Variants in CNTLN observed in about 807,000 individuals in gnomAD.
CNTLN encodes centlein.
A neutral mutation model predicts 180.0 loss-of-function variants in CNTLN; 212 were observed. The ratio of observed to expected loss-of-function variants is 1.18; its 90% CI spans 1.05 to 1.32. The LOEUF is 1.32. CNTLN is among the 40% of genes most tolerant of loss of function. The pLI, the probability that CNTLN is intolerant of heterozygous loss-of-function variation, is 0.00. For synonymous variants in CNTLN, 722 were observed against 563.1 expected (o/e 1.28, Z -3.99); for missense variants, 2,095 against 1,610.9 (o/e 1.30, Z -5.14).
chr9:17,397,909 A>T (rs1490867845), intron 15 of CNTLN, among the ~76,000 whole-genome samples: 1 of 152,222 alleles, frequency 6.6e-6, no homozygotes, highest in Non-Finnish European at 1.5e-5. Context: ...CTGCAAAAGA[A>T]TTCTCAAACG....
the CNTLN span, among the ~76,000 whole-genome samples, chr9:17,516,206 C>T: frequency 1.3e-5 from 2 of 152,184 alleles, no homozygotes; most frequent in African/African-American, 4.8e-5. Flanking sequence ...ACATTGCACT[C>T]TCTACCATCT....
At chr9:17,433,636 T>C (rs1829565063) in intron 18 of CNTLN, among the ~76,000 whole-genome samples, 1 of 152,042 alleles carries the variant, frequency 6.6e-6, no homozygotes, top group Non-Finnish European at 1.5e-5. Context: ...GTTTCTTTTT[T>C]GTTGTTGTTG....
At chr9:17,525,682 T>G in the CNTLN span, among the ~76,000 whole-genome samples, 1 of 152,150 alleles carries the variant, frequency 6.6e-6, no homozygotes, top group African/African-American at 2.4e-5. Flanking sequence ...TATGAAAATG[T>G]ATAATACTGT....
chr9:17,508,388 G>C (rs1023356078), downstream of CNTLN, among the ~76,000 whole-genome samples: 1 of 152,082 alleles, frequency 6.6e-6, no homozygotes, highest in South Asian at 2.1e-4. Context: ...AGATGGCATT[G>C]GTACAATATT....
chr9:17,268,471 A>G (rs1402100962), intron 5 of CNTLN, among the ~76,000 whole-genome samples: 1 of 152,150 alleles, frequency 6.6e-6, no homozygotes, highest in African/African-American at 2.4e-5. Context: ...CCTCCCAGTT[A>G]GGCTGCTCGG....
At chr9:17,197,297 T>C in intron 2 of CNTLN, among the ~76,000 whole-genome samples, 1 of 152,178 alleles carries the variant, frequency 6.6e-6, no homozygotes, top group East Asian at 1.9e-4. Flanking sequence ...TTGTCAGCAT[T>C]TGTAATTGTC....
intron 2 of CNTLN, among the ~76,000 whole-genome samples, chr9:17,178,139 C>T (rs1820849355): frequency 6.6e-6 from 1 of 151,550 alleles, no homozygotes; most frequent in Non-Finnish European, 1.5e-5. Flanking sequence ...CTTAGCTAGA[C>T]ATAAAGGTTC....
At chr9:17,526,082 CCCA>C in the CNTLN span, among the ~76,000 whole-genome samples, 1 of 152,210 alleles carries the variant, frequency 6.6e-6, no homozygotes, top group East Asian at 1.9e-4. Context: ...ACTACAGGTG[CCCA>C]CCACCACACC....
intron 5 of CNTLN, among the ~76,000 whole-genome samples, chr9:17,238,482 TG>T (rs1430481045): frequency 6.6e-6 from 1 of 152,184 alleles, no homozygotes; most frequent in Non-Finnish European, 1.5e-5. Context: ...GTAGATCTTA[TG>T]ACCCTCATTC....
intron 2 of CNTLN, among the ~76,000 whole-genome samples, chr9:17,153,770 C>G (rs1348552104): frequency 6.6e-6 from 1 of 152,180 alleles, no homozygotes. Flanking sequence ...GTTCCATTCT[C>G]TCCGTCACTT....
At chr9:17,476,054 C>T (rs188500647) in intron 23 of CNTLN, among the ~76,000 whole-genome samples, 434 of 151,884 alleles carry the variant, frequency 2.9e-3, no homozygotes, top group African/African-American at 0.01. Context: ...AGTGTGTGCT[C>T]ACTTTGTGTC....
intron 7 of CNTLN, chr9:17,300,779 A>T (rs1818290266): frequency 6.1e-6 from 1 of 163,242 alleles, no homozygotes; most frequent in Non-Finnish European, 1.3e-5. Flanking sequence ...CTCTGATCTC[A>T]TCTTTGCCTT....
At position 17,284,770 on chromosome 9, in the gene CNTLN, G is replaced by C. The variant is rs531624313; in HGVS notation, c.983+10904G>C. 2.6e-5 allele frequency among the ~76,000 whole-genome samples: 4 copies of C among 151,964 alleles called. No homozygotes were observed. The East Asian group carries it at 7.8e-4, about 29-fold the overall frequency. ...TCTGTATCTCCTTCAATTCTGCTCT[G>C]ATCTTGGTTATTTCTTTTCTTCTGC... On this transcript the variant is annotated intron_variant, in intron 6 of 25. Coordinates refer to ENST00000380647, the MANE Select transcript of CNTLN (RefSeq NM_017738.4).
At chr9:17,184,386 G>C (rs1821305693) in intron 2 of CNTLN, among the ~76,000 whole-genome samples, 1 of 152,060 alleles carries the variant, frequency 6.6e-6, no homozygotes, top group African/African-American at 2.4e-5. Context: ...GTTAAAATCA[G>C]AAGCAATTGT....
Position 17,135,165 on chromosome 9 carries a change from A to G in CNTLN, c.100A>G (p.Met34Val), listed in dbSNP as rs1817610560. ...RVGRGAEVHA[M>V]RSEASGFAGA... is the part of the protein sequence containing the mutation. ...TGGGCGGGGAGCTGAAGTACACGCA[A>G]TGCGCAGCGAGGCCTCGGGTTTTGC... The change falls in exon 1 of 26, where the codon ATG (methionine) becomes GTG (valine). Residue 34 changes from methionine (M) to valine (V), a missense_variant. Met to Val is a conservative substitution (Grantham distance 21, BLOSUM62 1). Transcript: ENST00000380647. The G allele has an allele frequency of 3.1e-6, 5 of 1,609,796 alleles. No individual in the cohort carries two copies. Among genetic ancestry groups the G allele is most frequent in the Non-Finnish European group, 4.2e-6 (5 of 1,178,694 alleles).
At chr9:17,331,970 TG>T (rs1820674529) in intron 9 of CNTLN, among the ~76,000 whole-genome samples, 1 of 152,086 alleles carries the variant, frequency 6.6e-6, no homozygotes, top group Admixed American at 6.5e-5. Context: ...TCTTTCTTTT[TG>T]TAAGGCCATG....
At chr9:17,450,262 G>T (rs61652598) in intron 18 of CNTLN, among the ~76,000 whole-genome samples, 3 of 152,108 alleles carry the variant, frequency 2.0e-5, no homozygotes, top group African/African-American at 7.2e-5. Context: ...TCTTTAATGT[G>T]CACACTGGAG....
chr9:17,436,391 T>G (rs1293038796), intron 18 of CNTLN, among the ~76,000 whole-genome samples: 1 of 152,224 alleles, frequency 6.6e-6, no homozygotes, highest in Non-Finnish European at 1.5e-5. Flanking sequence ...GCTTCATATG[T>G]TGTCCAATTA....
In CNTLN at chr9:17,236,467, T is replaced by G; in HGVS notation, c.728T>G (p.Leu243Arg). 6.2e-7 allele frequency: 1 copy of G among 1,613,662 alleles called. No homozygotes were observed. Among genetic ancestry groups the G allele is most frequent in the Admixed American group, 1.7e-5 (1 of 59,950 alleles). ...CAAAACAGACTAGTTATAAAAAATCTGGAGGAGGAAAACAAGAAATTAAGT... is the reference window on the plus strand; with the variant it reads ...CAAAACAGACTAGTTATAAAAAATCGGGAGGAGGAAAACAAGAAATTAAGT... ...EEQNRLVIKNLEEENKKLSTR... is the reference protein window; with the variant it reads ...EEQNRLVIKNREEENKKLSTR... Residue 243 changes from leucine to arginine, a missense_variant, in exon 5 of 26, where the codon CTG becomes CGG. By Grantham distance (102) the Leu-to-Arg change is moderately radical. Coordinates refer to ENST00000380647, the MANE Select transcript of CNTLN (RefSeq NM_017738.4).
Sources: gnomAD v4.1 joint callset for allele counts (sites outside exome capture counted in the v4.1 genomes callset) on GRCh38, gnomAD v4.1.1 for gene constraint, MANE v1.5 for transcripts, NCBI Gene and HGNC (gene_info 2026-07-23, HGNC 2026-07-21) for gene names.